ATF6: variants seen among roughly 807,000 people sequenced by gnomAD.
ATF6 encodes cyclic AMP-dependent transcription factor ATF-6 alpha.
ATF6 carries 53 observed loss-of-function variants against 83.6 expected under a neutral mutation model. The observed-to-expected ratio is 0.63, with a 90% CI of 0.51 to 0.80. ATF6 has a LOEUF of 0.80. Among genes scored for constraint, ATF6 ranks in the 30% least tolerant of loss-of-function variants. ATF6 has a pLI of 0.00. For synonymous variants in ATF6, 288 were observed against 285.8 expected, an observed-to-expected ratio of 1.01 and a Z score of -0.08; for missense variants, 744 against 797.9, an observed-to-expected ratio of 0.93 and a Z score of 0.81.
chr1:161,851,428 C>T (rs1028489418), intron 10 of ATF6, among the ~76,000 whole-genome samples: 10 of 152,172 alleles, frequency 6.6e-5, no homozygotes, highest in Non-Finnish European at 1.3e-4. Flanking sequence ...TTGTGCATGT[C>T]TTAAGCTCAT....
At chr1:161,785,441 C>T (rs2101732647) in intron 4 of ATF6, among the ~76,000 whole-genome samples, 1 of 152,220 alleles carries the variant, frequency 6.6e-6, no homozygotes, top group East Asian at 1.9e-4. Flanking sequence ...ATACCCTGTC[C>T]TGTACCTTGT....
chr1:161,855,203 AG>A (rs1402740064), intron 12 of ATF6, among the ~76,000 whole-genome samples: 1 of 152,160 alleles, frequency 6.6e-6, no homozygotes, highest in African/African-American at 2.4e-5. Context: ...GACTGGAAGT[AG>A]GGAGACAAGA....
chr1:161,815,902 T>C (rs529533182), intron 7 of ATF6, among the ~76,000 whole-genome samples: 2 of 152,318 alleles, frequency 1.3e-5, no homozygotes, highest in African/African-American at 4.8e-5. Context: ...ATTGTGCCAC[T>C]GCACTCCAGC....
In ATF6 at chr1:161,920,294, C is replaced by CTTTTTTTTT. The variant is rs71798307; in HGVS notation, c.1804+7924_1804+7932dup. Among the ~76,000 whole-genome samples, 36 of 54,830 alleles carry CTTTTTTTTT rather than the reference C, an allele frequency of 6.6e-4. 12 individuals are homozygous for CTTTTTTTTT. Among genetic ancestry groups the CTTTTTTTTT allele is most frequent in the Non-Finnish European group, 8.6e-4 (26 of 30,138 alleles). 36.0% of individuals were successfully genotyped at this position (54,830 alleles called of 152,430 possible). On this transcript the variant is annotated intron_variant, in intron 15 of 15. Coordinates refer to ENST00000367942, the MANE Select transcript of ATF6 (RefSeq NM_007348.4). ...TAGTTCTCTTTCTCTCTCTCTCTCT[C>CTTTTTTTTT]TTTTTTTTTTTTTTTTTTGAGACAG...
At chr1:161,952,200 GC>G (rs1222357851) in intron 15 of ATF6, among the ~76,000 whole-genome samples, 1 of 151,982 alleles carries the variant, frequency 6.6e-6, no homozygotes, top group Admixed American at 6.6e-5. Flanking sequence ...TAAGTCCCAA[GC>G]CTACAGGTTC....
chr1:161,957,389 G>C (rs7522210), intron 15 of ATF6, among the ~76,000 whole-genome samples: 96,794 of 151,966 alleles, frequency 0.64, 32,398 homozygotes, highest in Non-Finnish European at 0.75. Context: ...GCCATATTAA[G>C]TACTCAGAAT....
chr1:161,925,959 G>C (rs931006549), intron 15 of ATF6, among the ~76,000 whole-genome samples: 4 of 152,124 alleles, frequency 2.6e-5, no homozygotes, highest in Non-Finnish European at 4.4e-5. Flanking sequence ...AGTGCACATG[G>C]ATCAAGGTAC....
In ATF6 at chr1:161,778,291, C is replaced by T. The variant is rs767266698; in HGVS notation, c.130C>T (p.Leu44=). 31 of 1,613,702 alleles carry T rather than the reference C, an allele frequency of 1.9e-5. No homozygotes were observed. The highest frequency in any genetic ancestry group is 2.5e-5 in the Non-Finnish European group (29 of 1,179,776). The change falls in exon 2 of 16, where the codon CTG becomes TTG. Residue 44 remains leucine (L), a synonymous_variant. Transcript: ENST00000367942. The part of the protein sequence containing the change: ...ELGYFTDTDE[L]QLEAANETYE... ...CGGTTATTTCACAGACACTGATGAG[C>T]TGCAATTGGAAGCAGCAAATGAGAC...
At chr1:161,864,688 A>AT (rs1686953008) in intron 14 of ATF6, among the ~76,000 whole-genome samples, 1 of 152,164 alleles carries the variant, frequency 6.6e-6, no homozygotes, top group South Asian at 2.1e-4. Flanking sequence ...TTTTCACAAA[A>AT]TTCCCTGTGT....
chr1:161,777,361 C>A (rs1452051819), intron 1 of ATF6, among the ~76,000 whole-genome samples: 2 of 152,146 alleles, frequency 1.3e-5, no homozygotes, highest in African/African-American at 2.4e-5. Flanking sequence ...TTGCTAAATA[C>A]TATTTTGTCT....
chr1:161,903,102 G>T (rs1333374430), intron 14 of ATF6, among the ~76,000 whole-genome samples: 1 of 151,676 alleles, frequency 6.6e-6, no homozygotes, highest in African/African-American at 2.4e-5. Context: ...TTCCAACTCT[G>T]CTCTCCACCA....
intron 1 of ATF6, among the ~76,000 whole-genome samples, chr1:161,777,822 C>T (rs546168824): frequency 2.7e-4 from 41 of 152,094 alleles, no homozygotes; most frequent in Admixed American, 4.6e-4. Context: ...ATAACAAATA[C>T]GCAGTGTGTA....
At position 161,778,332 on chromosome 1, in the gene ATF6, C is replaced by T. The variant is rs774263806; in HGVS notation, c.159+12C>T. 3.7e-5 allele frequency: 60 copies of T among 1,603,986 alleles called. No homozygotes were observed. Among genetic ancestry groups the T allele is most frequent in the Non-Finnish European group, 5.0e-5 (58 of 1,171,690 alleles). ...CAAATGAGACGTATGTAAGTATTTACTAAGGTTGAATAATGTGATATTTAG... is the reference window on the plus strand; with the variant it reads ...CAAATGAGACGTATGTAAGTATTTATTAAGGTTGAATAATGTGATATTTAG... On this transcript the variant is annotated intron_variant, in intron 2 of 15. Transcript: ENST00000367942.
At chr1:161,851,173 C>CT (rs1686611433) in intron 10 of ATF6, among the ~76,000 whole-genome samples, 7 of 147,344 alleles carry the variant, frequency 4.8e-5, no homozygotes, top group Non-Finnish European at 1.1e-4. Flanking sequence ...CACACACACC[C>CT]CTACCTGTTT....
At chr1:161,940,919 T>C (rs996555469) in intron 15 of ATF6, among the ~76,000 whole-genome samples, 2 of 152,142 alleles carry the variant, frequency 1.3e-5, no homozygotes, top group African/African-American at 4.8e-5. Context: ...CCTTCCTCTT[T>C]ATTCTTGTTG....
chr1:161,812,366 ATTTTCTTTTTTTT>A lies in ATF6; in HGVS notation c.910-7262_910-7250del, dbSNP rs1557973534. On this transcript the variant is annotated intron_variant, in intron 7 of 15. Transcript: ENST00000367942. ...AATGGGAGCTGGAATGGGAGCAGGT[ATTTTCTTTTTTTT>A]TTTTTTTTTTTTTTTTTTTTTTTTT... 1.7e-3 allele frequency among the ~76,000 whole-genome samples: 63 copies of A among 37,592 alleles called. 1 individual carries two copies. The highest frequency in any genetic ancestry group is 5.0e-3 in the African/African-American group (58 of 11,610). 24.7% of individuals were successfully genotyped at this position (37,592 alleles called of 152,430 possible). A position where few individuals can be genotyped will look rare whatever the true frequency, so the allele number is the denominator to read the frequency against.
chr1:161,825,111 T>G (rs1257249349), intron 9 of ATF6, among the ~76,000 whole-genome samples: 1 of 152,196 alleles, frequency 6.6e-6, no homozygotes, highest in Non-Finnish European at 1.5e-5. Context: ...GGTCTTGCTC[T>G]GTTGCCCAGG....
At chr1:161,928,047 A>G (rs1374059476) in intron 15 of ATF6, among the ~76,000 whole-genome samples, 2 of 152,256 alleles carry the variant, frequency 1.3e-5, no homozygotes, top group Middle Eastern at 6.8e-3. Flanking sequence ...TGTTAAGTAT[A>G]TTACTGGGTT....
intron 8 of ATF6, 41 bp from the exon 9 acceptor site, chr1:161,821,029 G>A (rs1557978468): frequency 2.9e-6 from 4 of 1,400,778 alleles, no homozygotes; most frequent in South Asian, 1.3e-5. Context: ...TTCTGAAATC[G>A]ATGTTAGTTT....
Sources: gnomAD v4.1 joint callset for allele counts (sites outside exome capture counted in the v4.1 genomes callset) on GRCh38, gnomAD v4.1.1 for gene constraint, MANE v1.5 for transcripts, NCBI Gene and HGNC (gene_info 2026-07-23, HGNC 2026-07-21) for gene names.